The following SMG6 variants were observed in gnomAD, a reference collection of about 807,000 sequenced individuals.
The protein encoded by SMG6 is SMG6 nonsense mediated mRNA decay factor.
Under a neutral mutation model 142.2 loss-of-function variants are expected in SMG6, and 66 were observed. The ratio of observed to expected loss-of-function variants is 0.46; its 90% CI spans 0.38 to 0.57. SMG6 has a LOEUF of 0.57. Among genes scored for constraint, SMG6 ranks in the 20% least tolerant of loss-of-function variants. SMG6 has a pLI of 0.00. For synonymous variants in SMG6, 779 were observed against 702.4 expected, an observed-to-expected ratio of 1.11 and a Z score of -1.72; for missense variants, 1,793 against 1,832.0, an observed-to-expected ratio of 0.98 and a Z score of 0.39.
At chr17:2,154,835 GA>G (rs1276196812) in intron 13 of SMG6, among the ~76,000 whole-genome samples, 1 of 152,126 alleles carries the variant, frequency 6.6e-6, no homozygotes. Context: ...AGGACTTCAA[GA>G]CCAGCCTGGG....
intron 10 of SMG6, among the ~76,000 whole-genome samples, chr17:2,212,081 C>T (rs16952020): frequency 0.023 from 3,438 of 152,254 alleles, 46 homozygotes; most frequent in East Asian, 0.053. Context: ...TTAATGCCAG[C>T]GTGTCTGTTT....
At chr17:2,158,854 C>A (rs1168948061) in intron 13 of SMG6, among the ~76,000 whole-genome samples, 1 of 139,460 alleles carries the variant, frequency 7.2e-6, no homozygotes. Context: ...GAGCAAGACC[C>A]TGTTTCAAAA....
At chr17:2,218,966 T>G (rs978321816) in intron 10 of SMG6, among the ~76,000 whole-genome samples, 1 of 152,272 alleles carries the variant, frequency 6.6e-6, no homozygotes, top group Non-Finnish European at 1.5e-5. Flanking sequence ...CTGTTCAATC[T>G]TGATGTGAAC....
At chr17:2,152,176 T>C (rs778354688) in intron 13 of SMG6, among the ~76,000 whole-genome samples, 2 of 152,178 alleles carry the variant, frequency 1.3e-5, no homozygotes, top group Non-Finnish European at 2.9e-5. Flanking sequence ...AGCTACATCA[T>C]AGGCGGGGAC....
chr17:2,292,739 C>A (rs188253539), intron 5 of SMG6, 109 bp from the exon 6 acceptor site: 83 of 1,466,300 alleles, frequency 5.7e-5, no homozygotes, highest in Admixed American at 3.6e-4. Context: ...AGATGTAACC[C>A]TGGAGGGGTA....
At chr17:2,093,198 A>G (rs930797854) in intron 13 of SMG6, among the ~76,000 whole-genome samples, 3 of 151,958 alleles carry the variant, frequency 2.0e-5, no homozygotes, top group African/African-American at 7.3e-5. Context: ...TGTTGCAAAA[A>G]AAAAAAAAAA....
chr17:2,064,976 G>A, intron 18 of SMG6, 97 bp downstream of exon 18: 1 of 963,870 alleles, frequency 1.0e-6, no homozygotes. Flanking sequence ...AGACTTCCCA[G>A]GCCAGAGTCA....
At chr17:2,109,833 T>C (rs2069259442) in intron 13 of SMG6, among the ~76,000 whole-genome samples, 1 of 152,112 alleles carries the variant, frequency 6.6e-6, no homozygotes, top group African/African-American at 2.4e-5. Flanking sequence ...GGCTCACACC[T>C]GTAGTCGCAG....
chr17:2,114,564 G>A (rs181515982), intron 13 of SMG6, among the ~76,000 whole-genome samples: 255 of 152,146 alleles, frequency 1.7e-3, no homozygotes, highest in African/African-American at 4.4e-3. Context: ...AGACCTTAGC[G>A]GCAGTACCAC....
chr17:2,061,708 T>C (rs914612904), intron 18 of SMG6, 86 bp from the exon 19 acceptor site: 4 of 1,447,922 alleles, frequency 2.8e-6, no homozygotes, highest in Non-Finnish European at 3.7e-6. Flanking sequence ...AATGTGGTCC[T>C]GGGGAGGGGG....
chr17:2,268,939 T>A (rs1358292127), intron 8 of SMG6, among the ~76,000 whole-genome samples: 3 of 139,876 alleles, frequency 2.1e-5, no homozygotes, highest in African/African-American at 8.1e-5. Flanking sequence ...GCACGGTGGC[T>A]CACGCCTGTA....
At chr17:2,194,707 C>CA (rs11415492) in intron 10 of SMG6, among the ~76,000 whole-genome samples, 48,811 of 138,606 alleles carry the variant, frequency 0.35, 8,502 homozygotes, top group Middle Eastern at 0.42. Context: ...GAAAACAAAA[C>CA]AAAACAAAAA....
At chr17:2,130,137 G>A (rs1479148451) in intron 13 of SMG6, among the ~76,000 whole-genome samples, 1 of 151,516 alleles carries the variant, frequency 6.6e-6, no homozygotes, top group Non-Finnish European at 1.5e-5. Context: ...GCGGGCGCCT[G>A]TAGTCCCAGC....
At chr17:2,282,505 A>C in intron 8 of SMG6, 142 bp downstream of exon 8, 1 of 728,574 alleles carries the variant, frequency 1.4e-6, no homozygotes, top group South Asian at 1.7e-5. Context: ...GTACATGAGA[A>C]GGGAAAAGAC....
intron 13 of SMG6, among the ~76,000 whole-genome samples, chr17:2,139,938 C>A (rs1049933644): frequency 6.6e-6 from 1 of 151,988 alleles, no homozygotes; most frequent in Admixed American, 6.6e-5. Flanking sequence ...GTTGCCCAGG[C>A]TGCTCTCGAA....
chr17:2,150,805 G>C (rs1393127047), intron 13 of SMG6, among the ~76,000 whole-genome samples: 1 of 151,938 alleles, frequency 6.6e-6, no homozygotes, highest in Admixed American at 6.6e-5. Context: ...TAGGATACTT[G>C]ACAGTGACAT....
chr17:2,097,823 C>A (rs1162147344), intron 13 of SMG6, among the ~76,000 whole-genome samples: 3 of 152,126 alleles, frequency 2.0e-5, no homozygotes, highest in African/African-American at 7.2e-5. Flanking sequence ...TTCACTAAGA[C>A]TAAAGTGTCT....
intron 11 of SMG6, among the ~76,000 whole-genome samples, chr17:2,188,198 A>C (rs1268308742): frequency 1.3e-5 from 2 of 152,212 alleles, no homozygotes; most frequent in Non-Finnish European, 2.9e-5. Flanking sequence ...TTCTACAAAA[A>C]GGAGAAGAGG....
At chr17:2,108,437 T>C (rs576901414) in intron 13 of SMG6, among the ~76,000 whole-genome samples, 2 of 151,976 alleles carry the variant, frequency 1.3e-5, no homozygotes, top group East Asian at 3.9e-4. Flanking sequence ...GCCAACATAG[T>C]GAAACCCTGT....
Sources: allele counts gnomAD v4.1 joint callset (sites outside exome capture counted in the v4.1 genomes callset), GRCh38; gene constraint gnomAD v4.1.1; transcripts MANE v1.5; gene names NCBI Gene and HGNC (gene_info 2026-07-23, HGNC 2026-07-21).